COL14A1: variants seen among roughly 807,000 people sequenced by gnomAD.
COL14A1 encodes the protein collagen alpha-1(XIV) chain.
A neutral mutation model predicts 230.3 loss-of-function variants in COL14A1; 136 were observed. The observed-to-expected ratio is 0.59, with a 90% CI of 0.51 to 0.68. The LOEUF is 0.68. Ranked by LOEUF, COL14A1 falls within the 30% of genes least tolerant of loss-of-function variation. The pLI, the probability that COL14A1 is intolerant of heterozygous loss-of-function variation, is 0.00. For synonymous variants in COL14A1, 792 were observed against 784.1 expected (o/e 1.01, Z -0.17); for missense variants, 1,976 against 2,215.8 (o/e 0.89, Z 2.17).
chr8:120,339,105 T>TGTGCCACCACAGGCAC (rs2130253695), intron 42 of COL14A1, among the ~76,000 whole-genome samples: 1 of 152,282 alleles, frequency 6.6e-6, no homozygotes, highest in South Asian at 2.1e-4. Context: ...ACTACAGGCG[T>TGTGCCACCACAGGCAC]GTGCCACCAC....
chr8:120,181,952 G>A (rs989257384), intron 5 of COL14A1, among the ~76,000 whole-genome samples: 29 of 152,056 alleles, frequency 1.9e-4, no homozygotes, highest in Admixed American at 5.2e-4. Flanking sequence ...ACTCCTCCCC[G>A]TCACCCCCCT....
At chr8:120,224,977 T>C (rs1437191063) in intron 14 of COL14A1, 111 bp from the exon 15 acceptor site, 28 of 935,576 alleles carry the variant, frequency 3.0e-5, no homozygotes, top group Non-Finnish European at 4.3e-5. Context: ...AGTAATTTGT[T>C]TTGCAGTGTT....
At chr8:120,335,431 C>G (rs1254284600) in intron 42 of COL14A1, among the ~76,000 whole-genome samples, 2 of 152,214 alleles carry the variant, frequency 1.3e-5, no homozygotes, top group African/African-American at 4.8e-5. Flanking sequence ...AATACCACAG[C>G]TGGCTTGGGC....
At chr8:120,331,318 G>A (rs754764633) in intron 40 of COL14A1, among the ~76,000 whole-genome samples, 33 of 152,084 alleles carry the variant, frequency 2.2e-4, no homozygotes, top group Non-Finnish European at 4.4e-4. Context: ...TATAGTAACA[G>A]GTGGTGTTTG....
chr8:120,125,868 A>G (rs151328075), intron 1 of COL14A1, among the ~76,000 whole-genome samples: 23 of 152,276 alleles, frequency 1.5e-4, no homozygotes, highest in Admixed American at 2.6e-4. Flanking sequence ...TGGCTCTGCT[A>G]CAGATTTGGG....
At chr8:120,177,787 A>G (rs562087904) in intron 5 of COL14A1, among the ~76,000 whole-genome samples, 1 of 150,898 alleles carries the variant, frequency 6.6e-6, no homozygotes, top group South Asian at 2.1e-4. Flanking sequence ...GAAAGAAGAG[A>G]TGAAAAGAAT....
intron 20 of COL14A1, among the ~76,000 whole-genome samples, chr8:120,246,773 G>T (rs895193555): frequency 2.0e-5 from 3 of 152,108 alleles, no homozygotes; most frequent in African/African-American, 7.2e-5. Context: ...ATGACAAAAT[G>T]CATACAAATT....
chr8:120,350,559 A>C, intron 45 of COL14A1, among the ~76,000 whole-genome samples: 1 of 151,164 alleles, frequency 6.6e-6, no homozygotes, highest in Non-Finnish European at 1.5e-5. Context: ...AAGCCAATGG[A>C]AAACAAAAAA....
intron 34 of COL14A1, among the ~76,000 whole-genome samples, chr8:120,291,392 T>C (rs554186860): frequency 2.0e-5 from 3 of 151,836 alleles, no homozygotes; most frequent in African/African-American, 7.2e-5. Flanking sequence ...AAACTCCGTC[T>C]CTACTAAAAA....
chr8:120,240,608 C>T (rs935943345), intron 19 of COL14A1, among the ~76,000 whole-genome samples: 3 of 152,114 alleles, frequency 2.0e-5, no homozygotes, highest in Non-Finnish European at 2.9e-5. Context: ...ACCAGACCTT[C>T]CTTAACTCTC....
At chr8:120,276,546 C>G (rs1449998255) in intron 26 of COL14A1, among the ~76,000 whole-genome samples, 1 of 151,696 alleles carries the variant, frequency 6.6e-6, no homozygotes, top group Non-Finnish European at 1.5e-5. Flanking sequence ...TCCAAGTGTT[C>G]TCATTGTTCA....
At chr8:120,133,409 A>G (rs1486403669) in intron 1 of COL14A1, among the ~76,000 whole-genome samples, 4 of 152,150 alleles carry the variant, frequency 2.6e-5, no homozygotes, top group Non-Finnish European at 5.9e-5. Context: ...TGAATAGCAT[A>G]TTAGTAAATA....
At chr8:120,151,639 C>CAAAAAA (rs59123417) in intron 2 of COL14A1, among the ~76,000 whole-genome samples, 16 of 78,564 alleles carry the variant, frequency 2.0e-4, no homozygotes, top group Admixed American at 5.6e-4. Context: ...GACTCCGTCT[C>CAAAAAA]AAAAAAAAAA....
chr8:120,235,884 C>CA (rs761321089), intron 19 of COL14A1, among the ~76,000 whole-genome samples: 243 of 152,304 alleles, frequency 1.6e-3, no homozygotes, highest in Non-Finnish European at 2.2e-3. Flanking sequence ...ACCCAGTAGT[C>CA]ATTCAGGAGC....
intron 35 of COL14A1, among the ~76,000 whole-genome samples, chr8:120,300,041 C>G (rs553409846): frequency 3.2e-4 from 49 of 152,276 alleles, no homozygotes. Context: ...TAGCTGTTAG[C>G]AGGTGCTCTG....
intron 45 of COL14A1, among the ~76,000 whole-genome samples, chr8:120,360,671 T>C (rs1466748207): frequency 6.6e-6 from 1 of 152,236 alleles, no homozygotes; most frequent in Non-Finnish European, 1.5e-5. Context: ...CTGCTGTAGC[T>C]GTTTTCACAT....
Position 120,250,693 on chromosome 8 carries a change from G to T in COL14A1, c.2679G>T (p.Met893Ile), listed in dbSNP as rs1446561632. 44 of 1,614,098 alleles carry T rather than the reference G, an allele frequency of 2.7e-5. No individual in the cohort carries two copies. Among genetic ancestry groups the T allele is most frequent in the Non-Finnish European group, 3.6e-5 (42 of 1,180,038 alleles). Residue 893 changes from methionine (M) to isoleucine (I), a missense_variant, in exon 22 of 48, where the codon ATG (methionine) becomes ATT (isoleucine). By Grantham distance (10) the Met-to-Ile change is conservative. Coordinates refer to ENST00000297848, the MANE Select transcript of COL14A1 (RefSeq NM_021110.4). ...TTATCACAAACCTCCTCAGCGGAAT[G>T]GACTACAATGTGAAGATATTTGCCT... is the stretch of plus-strand genomic sequence containing the variant. The part of the protein sequence containing the change: ...TILITNLLSG[M>I]DYNVKIFASQ...
chr8:120,332,357 A>G (rs956037313), intron 41 of COL14A1, among the ~76,000 whole-genome samples, 163 bp downstream of exon 41: 1 of 152,230 alleles, frequency 6.6e-6, no homozygotes, highest in African/African-American at 2.4e-5. Context: ...TAGAAAGATA[A>G]TATACCCATA....
chr8:120,188,803 T>A (rs925121610), intron 5 of COL14A1, among the ~76,000 whole-genome samples: 4 of 152,264 alleles, frequency 2.6e-5, no homozygotes, highest in African/African-American at 9.6e-5. Flanking sequence ...AATATTGTCT[T>A]AGCAATAAAA....
Sources: gnomAD v4.1 joint callset for allele counts (sites outside exome capture counted in the v4.1 genomes callset) on GRCh38, gnomAD v4.1.1 for gene constraint, MANE v1.5 for transcripts, NCBI Gene and HGNC (gene_info 2026-07-23, HGNC 2026-07-21) for gene names.